The following ZBTB38 variants were observed in gnomAD, a reference collection of about 807,000 sequenced individuals.
ZBTB38 encodes the protein zinc finger and BTB domain-containing protein 38.
Under a neutral mutation model 76.8 loss-of-function variants are expected in ZBTB38, and 20 were observed. The observed-to-expected ratio is 0.26, with a 90% CI of 0.18 to 0.38. The LOEUF is 0.38. Ranked by LOEUF, ZBTB38 falls within the 10% of genes least tolerant of loss-of-function variation. The probability of loss-of-function intolerance (pLI) is 1.00; values close to 1 mark genes in which losing one functional copy is unlikely to be tolerated. For synonymous variants in ZBTB38, 504 were observed against 544.2 expected (o/e 0.93, Z 1.03); for missense variants, 1,082 against 1,482.3 (o/e 0.73, Z 4.43).
intron 5 of ZBTB38, chr3:141,434,303 C>A: frequency 1.4e-6 from 1 of 715,838 alleles, no homozygotes; most frequent in Non-Finnish European, 1.7e-6. Flanking sequence ...CAGTTTCTCT[C>A]CTAAGGCTTT....
In ZBTB38 at chr3:141,344,249, T is replaced by C. The variant is rs557390209; in HGVS notation, c.-739+19793T>C. On this transcript the variant is annotated intron_variant, in intron 1 of 7. Coordinates refer to the ZBTB38 transcript ENST00000509842. ...GTCCCACTGGGCTAAAATCAAAGTG[T>C]CTACAGCTCTGTGTTTCCTTCTGGA... Among the ~76,000 whole-genome samples, 24 of 152,350 alleles carry C rather than the reference T, an allele frequency of 1.6e-4. No individual in the cohort carries two copies. The East Asian group carries it at 4.6e-3, about 29-fold the overall frequency.
At chr3:141,351,768 C>T (rs745839609) in intron 1 of ZBTB38, among the ~76,000 whole-genome samples, 18 of 146,726 alleles carry the variant, frequency 1.2e-4, no homozygotes, top group Non-Finnish European at 1.6e-4. Context: ...TTTCCCTTTT[C>T]GCTTTTCTCA....
chr3:141,335,109 A>G (rs1942978881), intron 1 of ZBTB38, among the ~76,000 whole-genome samples: 1 of 152,170 alleles, frequency 6.6e-6, no homozygotes, highest in South Asian at 2.1e-4. Flanking sequence ...TGCTGGTGCT[A>G]CCGGTCAGCC....
intron 1 of ZBTB38, among the ~76,000 whole-genome samples, chr3:141,325,091 T>C (rs577334761): frequency 4.6e-5 from 7 of 152,338 alleles, no homozygotes; most frequent in African/African-American, 1.7e-4. Context: ...AGATGTCTTA[T>C]GGATAAATGC....
At chr3:141,431,337 AAAAAAT>A (rs1559956218) in intron 5 of ZBTB38, among the ~76,000 whole-genome samples, 1 of 101,992 alleles carries the variant, frequency 9.8e-6, no homozygotes, top group African/African-American at 5.9e-5. Context: ...AAAAAAAAAA[AAAAAAT>A]ATATATATAT....
chr3:141,354,507 G>A (rs1234398753), intron 1 of ZBTB38, among the ~76,000 whole-genome samples: 1 of 152,018 alleles, frequency 6.6e-6, no homozygotes, highest in East Asian at 1.9e-4. Context: ...GACTGAAATG[G>A]AGAAATTGGA....
chr3:141,432,658 G>T (rs1465728010), intron 5 of ZBTB38, among the ~76,000 whole-genome samples: 2 of 152,186 alleles, frequency 1.3e-5, no homozygotes, highest in African/African-American at 4.8e-5. Flanking sequence ...GATTCGTTTT[G>T]CATTGTAAGA....
At chr3:141,388,842 C>G (rs1240975151) in intron 4 of ZBTB38, 1 of 152,206 alleles carries the variant, frequency 6.6e-6, no homozygotes, top group African/African-American at 2.4e-5. Flanking sequence ...CAGCTTTTCT[C>G]TCCCTCCTTT....
chr3:141,337,277 A>T (rs185234019), intron 1 of ZBTB38, among the ~76,000 whole-genome samples: 3 of 152,380 alleles, frequency 2.0e-5, no homozygotes, highest in African/African-American at 7.2e-5. Context: ...TTCCATGTCC[A>T]AACACGTAGA....
At chr3:141,421,278 CTTTTTTT>C (rs77094062) in intron 5 of ZBTB38, among the ~76,000 whole-genome samples, 23 of 125,686 alleles carry the variant, frequency 1.8e-4, no homozygotes, top group African/African-American at 6.8e-4. Flanking sequence ...AAACTTCTCT[CTTTTTTT>C]TTTTTTTTTT....
chr3:141,392,296 G>A (rs1262252555), intron 4 of ZBTB38, among the ~76,000 whole-genome samples: 2 of 152,038 alleles, frequency 1.3e-5, no homozygotes, highest in Non-Finnish European at 2.9e-5. Context: ...GTGGGGAAGG[G>A]GACTGCAACA....
At position 141,446,315 on chromosome 3, in the gene ZBTB38, C is replaced by T. The variant is rs1331493352; in HGVS notation, c.*339C>T. ...ACTTTCTAATAATTGCTAATAAGAA[C>T]TGGCTGCTGAACTGTCTTTAGTCAC... On this transcript the variant is annotated 3_prime_UTR_variant, in exon 6 of 6. Coordinates refer to ENST00000321464, the MANE Select transcript of ZBTB38 (RefSeq NM_001376113.1). 1 of 183,162 alleles carries T rather than the reference C, an allele frequency of 5.5e-6. No homozygotes were observed. The highest frequency in any genetic ancestry group is 1.5e-4 in the East Asian group (1 of 6,732). 11.3% of individuals were successfully genotyped at this position (183,162 alleles called of 1,614,324 possible).
chr3:141,339,331 T>G (rs1943105677), intron 1 of ZBTB38, among the ~76,000 whole-genome samples: 1 of 152,186 alleles, frequency 6.6e-6, no homozygotes, highest in African/African-American at 2.4e-5. Flanking sequence ...TGATTCTGAA[T>G]GTGATAGGAA....
intron 1 of ZBTB38, among the ~76,000 whole-genome samples, chr3:141,340,805 G>C (rs946961130): frequency 3.3e-5 from 5 of 151,772 alleles, no homozygotes; most frequent in Admixed American, 1.3e-4. Context: ...GCTGAGGCAG[G>C]AGAATGACAT....
chr3:141,340,972 AAGAAAGAAAGAAAGAAAGAGAAAG>A (rs1943175217), intron 1 of ZBTB38, among the ~76,000 whole-genome samples: 1 of 117,598 alleles, frequency 8.5e-6, no homozygotes. Flanking sequence ...GAAAGAAAGA[AAGAAAGAAAGAAAGAAAGAGAAAG>A]AAGAAAGAAA....
chr3:141,439,267 G>A (rs1327136824), intron 5 of ZBTB38, among the ~76,000 whole-genome samples: 1 of 152,076 alleles, frequency 6.6e-6, no homozygotes, highest in Non-Finnish European at 1.5e-5. Flanking sequence ...TAACATATTT[G>A]CTGGATAAAG....
At position 141,443,488 on chromosome 3, in the gene ZBTB38, C is replaced by T. The variant is rs767703438; in HGVS notation, c.1100C>T (p.Thr367Ile). 66 of 1,614,100 alleles carry T rather than the reference C, an allele frequency of 4.1e-5. No homozygotes were observed. The highest frequency in any genetic ancestry group is 5.2e-5 in the Non-Finnish European group (61 of 1,180,054). Residue 367 changes from threonine (T) to isoleucine (I), a missense_variant, in exon 6 of 6, where the codon ACC becomes ATC. Thr to Ile is a moderately conservative substitution (Grantham distance 89). This residue lies in a region of ZBTB38 where 324 missense variants were observed against 359.1 expected (regional missense o/e 0.90). Coordinates refer to ENST00000321464, the MANE Select transcript of ZBTB38 (RefSeq NM_001376113.1). The surrounding 1 kb of genome is among the most constrained non-coding windows in gnomAD (Gnocchi z 5.6). ...LSAHMQLHKP[T>I]QEPLVCKYCN... ...GCCCACATGCAGCTTCACAAGCCAA[C>T]CCAGGAGCCTTTAGTGTGCAAGTAT...
rs1363283870 is a variant in ZBTB38 at position 141,442,316 on chromosome 3, A to C, written c.1-73A>C. 8.9e-7 allele frequency: 1 copy of C among 1,125,472 alleles called. No individual in the cohort carries two copies. Among genetic ancestry groups the C allele is most frequent in the Non-Finnish European group, 1.3e-6 (1 of 780,460 alleles). The allele number at this position is 1,125,472 out of a possible 1,614,324, so 69.7% of individuals were successfully genotyped here. A position where few individuals can be genotyped will look rare whatever the true frequency, so the allele number is the denominator to read the frequency against. The stretch of plus-strand genomic sequence containing the variant: ...ATACAAAAGAACAGTTTTTCACAGA[A>C]GTGGAAAATAGTCTAGAGATAAAGA... On this transcript the variant is annotated intron_variant, in intron 5 of 5. Coordinates refer to ENST00000321464, the MANE Select transcript of ZBTB38 (RefSeq NM_001376113.1). The surrounding 1 kb of genome is among the most constrained non-coding windows in gnomAD (Gnocchi z 6.4).
chr3:141,388,175 A>G (rs559815366), intron 4 of ZBTB38: 1 of 152,218 alleles, frequency 6.6e-6, no homozygotes, highest in Non-Finnish European at 1.5e-5. Flanking sequence ...TTTTGAAAAG[A>G]GTGATGATTC....
Sources: gnomAD v4.1 joint callset for allele counts (sites outside exome capture counted in the v4.1 genomes callset) on GRCh38, gnomAD v4.1.1 for gene constraint, gnomAD v4.1.1 regional missense constraint, Gnocchi (gnomAD v3.1) non-coding constraint, MANE v1.5 for transcripts, NCBI Gene and HGNC (gene_info 2026-07-23, HGNC 2026-07-21) for gene names.